GRB14: variants seen among roughly 807,000 people sequenced by gnomAD.
The protein encoded by GRB14 is growth factor receptor bound protein 14.
In GRB14, 38 loss-of-function variants were observed where a neutral mutation model predicts 69.1. That is an observed-to-expected ratio of 0.55 (90% CI 0.42 to 0.72). GRB14 has a LOEUF of 0.72. Among genes scored for constraint, GRB14 ranks in the 30% least tolerant of loss-of-function variants. GRB14 has a pLI of 0.00. For missense variants in GRB14, 666 were observed against 666.1 expected, an observed-to-expected ratio of 1.00 and a Z score of 0.00; for synonymous variants, 247 against 241.3, an observed-to-expected ratio of 1.02 and a Z score of -0.22.
At chr2:164,498,375 CT>C (rs1412072849) in intron 9 of GRB14, among the ~76,000 whole-genome samples, 1 of 152,000 alleles carries the variant, frequency 6.6e-6, no homozygotes, top group Non-Finnish European at 1.5e-5. Flanking sequence ...TCTTCTTTTT[CT>C]TTTTTGTTTG....
At chr2:164,580,849 T>A (rs1220201695) in intron 2 of GRB14, among the ~76,000 whole-genome samples, 2 of 152,206 alleles carry the variant, frequency 1.3e-5, no homozygotes, top group African/African-American at 4.8e-5. Flanking sequence ...AAATGTATAT[T>A]TAACATGCTT....
chr2:164,558,473 A>G (rs771160611), intron 2 of GRB14, among the ~76,000 whole-genome samples: 35 of 152,196 alleles, frequency 2.3e-4, no homozygotes, highest in Non-Finnish European at 4.7e-4. Flanking sequence ...AATATGAATA[A>G]TAAAGAGGTT....
rs866462693 is a variant in GRB14, at chr2:164,492,804, C to T, written c.*232G>A. 2.5e-6 allele frequency: 1 copy of T among 392,352 alleles called. No homozygotes were observed. 24.3% of individuals were successfully genotyped at this position (392,352 alleles called of 1,614,324 possible). A position where few individuals can be genotyped will look rare whatever the true frequency, so the allele number is the denominator to read the frequency against. Reference sequence around the variant, plus strand: ...TAGCAATGTAAAAATCACACAAGAACACACCAAGTCATTTTTTTCCTAAGG... The same window carrying T: ...TAGCAATGTAAAAATCACACAAGAATACACCAAGTCATTTTTTTCCTAAGG... On this transcript the variant is annotated 3_prime_UTR_variant, in exon 14 of 14. Coordinates refer to ENST00000263915, the MANE Select transcript of GRB14 (RefSeq NM_004490.3).
At chr2:164,533,057 G>A (rs1209000025) in intron 3 of GRB14, among the ~76,000 whole-genome samples, 31 of 151,940 alleles carry the variant, frequency 2.0e-4, no homozygotes, top group Admixed American at 2.0e-3. Context: ...AGCCCAAGTT[G>A]ATGTTCTTTT....
chr2:164,539,815 G>A (rs192618353), intron 3 of GRB14: 5 of 152,252 alleles, frequency 3.3e-5, no homozygotes, highest in East Asian at 1.9e-4. Flanking sequence ...AACAGACCAC[G>A]TGTGAAGATG....
intron 2 of GRB14, among the ~76,000 whole-genome samples, chr2:164,597,377 C>T (rs900400489): frequency 2.6e-5 from 4 of 151,892 alleles, no homozygotes; most frequent in Non-Finnish European, 5.9e-5. Flanking sequence ...ATAAATACTG[C>T]TAAGCATTTC....
intron 2 of GRB14, among the ~76,000 whole-genome samples, chr2:164,570,985 T>C (rs770713736): frequency 2.0e-5 from 3 of 152,184 alleles, no homozygotes; most frequent in Admixed American, 6.5e-5. Context: ...TGTGACTATG[T>C]TATCAAAAAG....
At chr2:164,610,425 G>A (rs183018739) in intron 2 of GRB14, among the ~76,000 whole-genome samples, 3 of 151,892 alleles carry the variant, frequency 2.0e-5, no homozygotes, top group Non-Finnish European at 2.9e-5. Context: ...TTGATTACAC[G>A]GATCAAATTT....
At chr2:164,564,223 A>G (rs762230401) in intron 2 of GRB14, among the ~76,000 whole-genome samples, 3 of 152,162 alleles carry the variant, frequency 2.0e-5, no homozygotes, top group Non-Finnish European at 2.9e-5. Flanking sequence ...GTGCAGATAT[A>G]CAGATTTTAA....
intron 12 of GRB14, among the ~76,000 whole-genome samples, chr2:164,495,166 T>G (rs974178740): frequency 6.6e-6 from 1 of 152,008 alleles, no homozygotes. Context: ...GGTTTCGAAC[T>G]CCAGACCTCA....
chr2:164,528,644 C>A (rs928381674), intron 3 of GRB14, among the ~76,000 whole-genome samples: 4 of 152,030 alleles, frequency 2.6e-5, no homozygotes, highest in Non-Finnish European at 5.9e-5. Context: ...TCTATCCCAT[C>A]GACTGGCTCC....
chr2:164,537,682 A>G (rs1015026119), intron 3 of GRB14, among the ~76,000 whole-genome samples: 3 of 152,184 alleles, frequency 2.0e-5, no homozygotes, highest in Non-Finnish European at 4.4e-5. Context: ...CCGAGGCTAT[A>G]AGAATATGTA....
chr2:164,582,454 C>T (rs1689435398), intron 2 of GRB14, among the ~76,000 whole-genome samples: 1 of 147,240 alleles, frequency 6.8e-6, no homozygotes, highest in Non-Finnish European at 1.5e-5. Flanking sequence ...AGGAGTCTCG[C>T]TCTGTTGCCC....
intron 2 of GRB14, among the ~76,000 whole-genome samples, chr2:164,579,265 A>G (rs1242351000): frequency 6.6e-6 from 1 of 152,226 alleles, no homozygotes. Flanking sequence ...GGTCATAAAA[A>G]CATCACCAAA....
chr2:164,572,844 A>C (rs2105331697), intron 2 of GRB14, among the ~76,000 whole-genome samples: 1 of 152,258 alleles, frequency 6.6e-6, no homozygotes, highest in Admixed American at 6.5e-5. Flanking sequence ...ATGTTTCTTG[A>C]ATATCAAGTC....
chr2:164,585,101 T>A (rs1330551194), intron 2 of GRB14, among the ~76,000 whole-genome samples: 8 of 101,858 alleles, frequency 7.9e-5, no homozygotes, highest in African/African-American at 4.4e-4. Flanking sequence ...TTTTTTTTTT[T>A]TTTTTTTTTT....
At position 164,545,803 on chromosome 2, in the gene GRB14, C is replaced by A. The variant is rs897966087; in HGVS notation, c.481+1857G>T. ...TCTATAAAAATAAGAAATCAGGGGACAAAATTGTTGCCAAATCCTGTCTCA... is the reference window on the plus strand; with the variant it reads ...TCTATAAAAATAAGAAATCAGGGGAAAAAATTGTTGCCAAATCCTGTCTCA... On this transcript the variant is annotated intron_variant, in intron 3 of 13. Transcript: ENST00000263915. Among the ~76,000 whole-genome samples, 40 of 152,104 alleles carry A rather than the reference C, an allele frequency of 2.6e-4. 1 individual carries two copies. Among genetic ancestry groups the A allele is most frequent in the Non-Finnish European group, 8.8e-5 (6 of 68,004 alleles).
At chr2:164,614,857 G>C (rs1010394366) in intron 2 of GRB14, among the ~76,000 whole-genome samples, 2 of 152,070 alleles carry the variant, frequency 1.3e-5, no homozygotes, top group African/African-American at 4.8e-5. Context: ...GCATCACAAA[G>C]GAATGATATA....
chr2:164,493,291 C>A, intron 13 of GRB14, 109 bp from the exon 14 acceptor site: 6 of 934,084 alleles, frequency 6.4e-6, no homozygotes, highest in South Asian at 3.6e-5. Flanking sequence ...GTTTATAAAA[C>A]TAAAAGACAG....
Sources: gnomAD v4.1 joint callset for allele counts (sites outside exome capture counted in the v4.1 genomes callset) on GRCh38, gnomAD v4.1.1 for gene constraint, MANE v1.5 for transcripts, NCBI Gene and HGNC (gene_info 2026-07-23, HGNC 2026-07-21) for gene names.